The following MACF1 variants were observed in gnomAD, a reference collection of about 807,000 sequenced individuals.
The protein encoded by MACF1 is microtubule-actin cross-linking factor 1.
MACF1 carries 193 observed loss-of-function variants against 854.8 expected under a neutral mutation model. That is an observed-to-expected ratio of 0.23 (90% CI 0.20 to 0.25). The LOEUF is 0.25. Among genes scored for constraint, MACF1 ranks in the 10% least tolerant of loss-of-function variants. The pLI, the probability that MACF1 is intolerant of heterozygous loss-of-function variation, is 1.00. For missense variants in MACF1, 7,722 were observed against 8,929.1 expected, an observed-to-expected ratio of 0.86 and a Z score of 5.45; for synonymous variants, 3,185 against 3,226.7, an observed-to-expected ratio of 0.99 and a Z score of 0.44.
rs367701269 is a variant in MACF1 at position 39,447,414 on chromosome 1, G to A, written c.19606-18G>A. On this transcript the variant is annotated intron_variant, in intron 80 of 100. Transcript: ENST00000564288. ...GCGCTTTTTCTTTCTGTGTGTGTGT[G>A]TTTTACTTGAAATTCAGTCAAAGCT... The A allele has an allele frequency of 3.0e-5, 48 of 1,613,104 alleles. 2 individuals carry two copies. In the Middle Eastern group the frequency reaches 5.0e-4, roughly 17 times the overall value.
At chr1:39,481,382 A>G (rs1645008657) in intron 99 of MACF1, among the ~76,000 whole-genome samples, 1 of 152,244 alleles carries the variant, frequency 6.6e-6, no homozygotes, top group Admixed American at 6.5e-5. Context: ...CGAGTTATGA[A>G]CACTTGAAAT....
intron 2 of MACF1, among the ~76,000 whole-genome samples, chr1:39,242,758 C>T (rs1644940102): frequency 7.6e-6 from 1 of 132,044 alleles, no homozygotes; most frequent in African/African-American, 2.8e-5. Flanking sequence ...AAAAAAAAAA[C>T]TTTATGGCCA....
rs144449048 is a variant in MACF1, at chr1:39,339,879, A to G, written c.10216-623A>G. ...TTGTAGTGGTTTACTGGTTCTCTCA[A>G]TATCTAGTGTGTGGCCTTGGGTAGG... On this transcript the variant is annotated intron_variant, in intron 38 of 100. Transcript: ENST00000564288. Among the ~76,000 whole-genome samples, 488 of 152,234 alleles carry G rather than the reference A, an allele frequency of 3.2e-3. 2 individuals are homozygous for G. The highest frequency in any genetic ancestry group is 0.011 in the African/African-American group (460 of 41,548).
In MACF1 at chr1:39,399,371, C is replaced by CTTTT. The variant is rs1330401656; in HGVS notation, c.15816+10731_15816+10734dup. On this transcript the variant is annotated intron_variant, in intron 58 of 100. Transcript: ENST00000564288. ...AGCTCAAGTCCACTTCTTTATAAAG[C>CTTTT]TTTTTTTTTTTTTTTTTTTTTGAGA... Among the ~76,000 whole-genome samples, 537 of 96,712 alleles carry CTTTT rather than the reference C, an allele frequency of 5.6e-3. 14 individuals carry two copies. Among genetic ancestry groups the CTTTT allele is most frequent in the African/African-American group, 0.01 (222 of 21,862 alleles). The allele number at this position is 96,712 out of a possible 152,430, so 63.4% of individuals were successfully genotyped here.
chr1:39,189,590 T>C (rs1644219628), intron 2 of MACF1, among the ~76,000 whole-genome samples: 1 of 152,212 alleles, frequency 6.6e-6, no homozygotes. Context: ...CTCTTCCTCA[T>C]GCTATCTCTC....
intron 80 of MACF1, 139 bp from the exon 81 acceptor site, chr1:39,447,293 T>C: frequency 1.3e-6 from 1 of 749,148 alleles, no homozygotes; most frequent in Non-Finnish European, 2.2e-6. Context: ...ATAAAGCATG[T>C]TTGGACGTTG....
chr1:39,406,756 A>AAAAAAAAAAAAAAAAAAAAAAAAAAAC lies in MACF1; in HGVS notation c.15817-15616_15817-15615insAAAAAAAAAAAAAAAAAAAAAAAACAA, dbSNP rs746955922. 2.0e-4 allele frequency among the ~76,000 whole-genome samples: 23 copies of AAAAAAAAAAAAAAAAAAAAAAAAAAAC among 116,078 alleles called. 4 individuals carry two copies. The highest frequency in any genetic ancestry group is 6.9e-4 in the African/African-American group (18 of 26,092). The allele number at this position is 116,078 out of a possible 152,430, so 76.2% of individuals were successfully genotyped here. A position where few individuals can be genotyped will look rare whatever the true frequency, so the allele number is the denominator to read the frequency against. ...TCTCACTCAAAAAAAAAAAAAAAAA[A>AAAAAAAAAAAAAAAAAAAAAAAAAAAC]AACATTCTTTATAATAGAATAACCA... On this transcript the variant is annotated intron_variant, in intron 58 of 100. Transcript: ENST00000564288.
chr1:39,310,190 G>A (rs755536395), intron 24 of MACF1, 55 bp from the exon 25 acceptor site: 1 of 1,397,758 alleles, frequency 7.2e-7, no homozygotes, highest in Non-Finnish European at 9.8e-7. Context: ...TGGAGGAAAA[G>A]AGGAAGTGTT....
intron 2 of MACF1, among the ~76,000 whole-genome samples, chr1:39,114,042 A>G (rs542695565): frequency 6.6e-6 from 1 of 151,486 alleles, no homozygotes; most frequent in Admixed American, 6.6e-5. Flanking sequence ...TCTTAAAAAA[A>G]AAAAGGTCCC....
At position 39,358,812 on chromosome 1, in the gene MACF1, T is replaced by G; in HGVS notation, c.12059T>G (p.Leu4020Arg). 3 of 1,613,698 alleles carry G rather than the reference T, an allele frequency of 1.9e-6. No individual in the cohort carries two copies. The highest frequency in any genetic ancestry group is 2.5e-6 in the Non-Finnish European group (3 of 1,179,934). ...GCTTGTGAGGCCAACGTGGAGAAGC[T>G]CCTCTCAGATACTGTTGCCTCTGAC... is the stretch of plus-strand genomic sequence containing the variant. ...MQACEANVEK[L>R]LSDTVASDPG... Residue 4020 changes from leucine (L) to arginine (R), a missense_variant, in exon 46 of 101, where the codon CTC becomes CGC. Physicochemically the swap from Leu to Arg is moderately radical, Grantham distance 102. Coordinates refer to ENST00000564288, the MANE Select transcript of MACF1 (RefSeq NM_001394062.1).
At chr1:39,262,713 C>T (rs1645178436) in intron 6 of MACF1, among the ~76,000 whole-genome samples, 1 of 152,150 alleles carries the variant, frequency 6.6e-6, no homozygotes, top group Admixed American at 6.5e-5. Context: ...CAGCTTTGGC[C>T]TAGTCTGTCT....
chr1:39,278,210 A>G (rs531171096), intron 6 of MACF1, among the ~76,000 whole-genome samples: 7 of 152,362 alleles, frequency 4.6e-5, no homozygotes, highest in Middle Eastern at 3.4e-3. Flanking sequence ...TGCATAGCCC[A>G]GAGCACAGTA....
chr1:39,330,886 C>T (rs1646710870), intron 36 of MACF1, among the ~76,000 whole-genome samples: 1 of 151,738 alleles, frequency 6.6e-6, no homozygotes, highest in Non-Finnish European at 1.5e-5. Context: ...ACTACAACCT[C>T]CACCTCCCGG....
chr1:39,445,652 C>T (rs1644212687), intron 80 of MACF1, among the ~76,000 whole-genome samples: 4 of 152,186 alleles, frequency 2.6e-5, no homozygotes, highest in Admixed American at 2.6e-4. Context: ...GCTAAAGGAC[C>T]TAAGTGTATG....
At chr1:39,410,307 C>A (rs1319292543) in intron 58 of MACF1, 2 of 1,611,972 alleles carry the variant, frequency 1.2e-6, no homozygotes, top group Admixed American at 1.7e-5. Context: ...TAAGGCGGAA[C>A]CCCAGCTGCC....
chr1:39,432,725 A>C, intron 67 of MACF1, 71 bp downstream of exon 67: 1 of 1,441,648 alleles, frequency 6.9e-7, no homozygotes, highest in Non-Finnish European at 9.4e-7. Flanking sequence ...GTTTCTGACT[A>C]TCCCATGTCA....
At chr1:39,096,415 C>T (rs1641938120) in intron 2 of MACF1, among the ~76,000 whole-genome samples, 1 of 150,862 alleles carries the variant, frequency 6.6e-6, no homozygotes, top group South Asian at 2.1e-4. Flanking sequence ...ACTTCTCCCT[C>T]CCCAGTTATG....
At chr1:39,291,224 G>C (rs1232718549) in intron 15 of MACF1, among the ~76,000 whole-genome samples, 4 of 151,492 alleles carry the variant, frequency 2.6e-5, no homozygotes, top group Non-Finnish European at 5.9e-5. Flanking sequence ...TGATCCACCT[G>C]CCTCAGCCCC....
At chr1:39,100,915 C>CGTGTGTGT (rs146599271) in intron 2 of MACF1, among the ~76,000 whole-genome samples, 1 of 151,236 alleles carries the variant, frequency 6.6e-6, no homozygotes, top group African/African-American at 2.4e-5. Flanking sequence ...TGCACGCGCG[C>CGTGTGTGT]GTGTGTGTGT....
Sources: gnomAD v4.1 joint callset for allele counts (sites outside exome capture counted in the v4.1 genomes callset) on GRCh38, gnomAD v4.1.1 for gene constraint, MANE v1.5 for transcripts, NCBI Gene and HGNC (gene_info 2026-07-23, HGNC 2026-07-21) for gene names.